Variants in MAP7D1 observed in about 807,000 individuals in gnomAD.
MAP7D1 encodes the protein MAP7 domain containing 1.
MAP7D1 carries 30 observed loss-of-function variants against 97.5 expected under a neutral mutation model. The observed-to-expected ratio is 0.31, with a 90% CI of 0.23 to 0.42. The LOEUF is 0.42. Ranked by LOEUF, MAP7D1 falls within the 10% of genes least tolerant of loss-of-function variation. MAP7D1 has a pLI of 1.00. For synonymous variants in MAP7D1, 536 were observed against 477.1 expected, an observed-to-expected ratio of 1.12 and a Z score of -1.61; for missense variants, 1,184 against 1,179.5, an observed-to-expected ratio of 1.00 and a Z score of -0.06.
At chr1:36,177,187 T>C (rs1377993180) in intron 8 of MAP7D1, among the ~76,000 whole-genome samples, 1 of 152,192 alleles carries the variant, frequency 6.6e-6, no homozygotes, top group Non-Finnish European at 1.5e-5. Context: ...TGAGCTTAGG[T>C]GATCCACCCG....
At chr1:36,170,946 C>G (rs1311461135) in intron 1 of MAP7D1, 25 bp from the exon 2 acceptor site, 1 of 947,414 alleles carries the variant, frequency 1.1e-6, no homozygotes, top group African/African-American at 1.6e-5. Flanking sequence ...TCTGACCTCT[C>G]TCCTCTCTTG....
chr1:36,158,001 C>T (rs1194505711), intron 1 of MAP7D1, among the ~76,000 whole-genome samples: 1 of 152,082 alleles, frequency 6.6e-6, no homozygotes, highest in Non-Finnish European at 1.5e-5. Flanking sequence ...GCCTCTGGCA[C>T]TGGATAGTTG....
rs1198248981 is a variant in MAP7D1, at chr1:36,180,609, A to C, written c.*351A>C. Reference sequence around the variant, plus strand: ...TGAATACTGTAAATAGCTTGTGCTCAGACTCCTCTGCGTGGAGAGGGTGGG... The same window carrying C: ...TGAATACTGTAAATAGCTTGTGCTCCGACTCCTCTGCGTGGAGAGGGTGGG... On this transcript the variant is annotated 3_prime_UTR_variant, in exon 17 of 17. Transcript: ENST00000474796. 2.9e-6 allele frequency: 1 copy of C among 346,770 alleles called. No individual in the cohort carries two copies. Among genetic ancestry groups the C allele is most frequent in the Non-Finnish European group, 5.4e-6 (1 of 183,552 alleles). The allele number at this position is 346,770 out of a possible 1,614,324, so 21.5% of individuals were successfully genotyped here. A position where few individuals can be genotyped will look rare whatever the true frequency, so the allele number is the denominator to read the frequency against.
intron 1 of MAP7D1, among the ~76,000 whole-genome samples, chr1:36,161,087 A>T (rs1644402262): frequency 6.6e-6 from 1 of 152,220 alleles, no homozygotes; most frequent in African/African-American, 2.4e-5. Context: ...GGAGGCTGGG[A>T]ACAATGGCCG....
chr1:36,179,853 CCT>C lies in MAP7D1; in HGVS notation c.2319-20_2319-19del. 3.1e-6 allele frequency: 5 copies of C among 1,603,068 alleles called. No homozygotes were observed. The highest frequency in any genetic ancestry group is 4.3e-6 in the Non-Finnish European group (5 of 1,173,462). On this transcript the variant is annotated intron_variant, in intron 15 of 16. Coordinates refer to ENST00000474796, the MANE Select transcript of MAP7D1 (RefSeq NM_001388490.1). ...CTTTCCTGGGAGGTGAGGTGCTGAG[CCT>C]TGGCCTCTGCATCCACAGTCTCCCA...
At position 36,179,288 on chromosome 1, in the gene MAP7D1, T is replaced by A. The variant is rs199901837; in HGVS notation, c.2157T>A (p.Thr719=). ...GTCTGGAGGAGATCATGAAGAGGAC[T>A]CGGAAGTCAGAAGTTTCTGAAACCA... ...RKRLEEIMKR[T]RKSEVSETKK... is the part of the protein sequence containing the mutation. The change falls in exon 13 of 17, where the codon ACT becomes ACA. Residue 719 remains threonine (T), a synonymous_variant. Transcript: ENST00000474796. The A allele has an allele frequency of 6.2e-7, 1 of 1,613,844 alleles. No individual in the cohort carries two copies. The highest frequency in any genetic ancestry group is 8.5e-7 in the Non-Finnish European group (1 of 1,179,932).
At chr1:36,163,243 C>T (rs963054398) in intron 1 of MAP7D1, among the ~76,000 whole-genome samples, 4 of 152,162 alleles carry the variant, frequency 2.6e-5, no homozygotes, top group African/African-American at 7.2e-5. Context: ...TGCAACCCAC[C>T]ACTGCACTTT....
Position 36,176,730 on chromosome 1 carries a change from GA to G in MAP7D1, c.1271del (p.Asn424ThrfsTer8). ...QKKEKKDKER[E>X]NEKEKSALAR... ...AAAGGAGAAGAAGGACAAGGAGCGGGAAAACGAGAAGGAGAAGAGTGCCCTA... is the reference window on the plus strand; with the variant it reads ...AAAGGAGAAGAAGGACAAGGAGCGGGAAACGAGAAGGAGAAGAGTGCCCTA... On this transcript the variant is annotated frameshift_variant, in exon 8 of 17. Coordinates refer to ENST00000474796, the MANE Select transcript of MAP7D1 (RefSeq NM_001388490.1). LOFTEE classifies it high-confidence loss of function. This position sits in a 1 kb window ranked among gnomAD's most constrained non-coding sequence, Gnocchi z 6.1. 1 of 1,603,938 alleles carries G rather than the reference GA, an allele frequency of 6.2e-7. No homozygotes were observed. Among genetic ancestry groups the G allele is most frequent in the Admixed American group, 1.7e-5 (1 of 58,108 alleles).
In MAP7D1 at chr1:36,176,086, C is replaced by A. The variant is rs1644614721; in HGVS notation, c.851-113C>A. ...GGTGTGATTGTGGGGAGAGGACTCC[C>A]GGGTGAGAAGCCTTGGCCTTGGCAT... On this transcript the variant is annotated intron_variant, in intron 6 of 16. Coordinates refer to ENST00000474796, the MANE Select transcript of MAP7D1 (RefSeq NM_001388490.1). This position sits in a 1 kb window ranked among gnomAD's most constrained non-coding sequence, Gnocchi z 6.1. The A allele has an allele frequency of 8.2e-6, 10 of 1,213,414 alleles. No individual in the cohort carries two copies. Among genetic ancestry groups the A allele is most frequent in the Non-Finnish European group, 5.7e-6 (5 of 884,342 alleles). 75.2% of individuals were successfully genotyped at this position (1,213,414 alleles called of 1,614,324 possible).
At position 36,174,888 on chromosome 1, in the gene MAP7D1, C is replaced by T. The variant is rs201402120; in HGVS notation, c.740-10C>T. On this transcript the variant is annotated splice_polypyrimidine_tract_variant and intron_variant, in intron 5 of 16. Coordinates refer to ENST00000474796, the MANE Select transcript of MAP7D1 (RefSeq NM_001388490.1). Reference sequence around the variant, plus strand: ...GCCCGGCCCTAATGCCGTGTCTTTTCCCCCTCCAGGTGGGAGCAGGTGCTC... The same window carrying T: ...GCCCGGCCCTAATGCCGTGTCTTTTTCCCCTCCAGGTGGGAGCAGGTGCTC... The T allele has an allele frequency of 6.3e-7, 1 of 1,577,436 alleles. No individual in the cohort carries two copies. Among genetic ancestry groups the T allele is most frequent in the Admixed American group, 1.7e-5 (1 of 59,944 alleles).
intron 1 of MAP7D1, 60 bp downstream of exon 1, chr1:36,156,523 G>T (rs941630450): frequency 1.1e-5 from 14 of 1,317,700 alleles, no homozygotes; most frequent in Non-Finnish European, 1.3e-5. Context: ...CAGGGCGGCC[G>T]AGGATGAGGC....
intron 1 of MAP7D1, among the ~76,000 whole-genome samples, chr1:36,170,727 C>A (rs768475818): frequency 1.1e-4 from 17 of 152,182 alleles, no homozygotes; most frequent in Non-Finnish European, 2.5e-4. Context: ...AGTATTTATT[C>A]TCTACTGTAG....
rs977447652 is a variant in MAP7D1, at chr1:36,173,986, C to T, written c.739+508C>T. ...TCTTCTGTTTATGTGCTCCTGGACC[C>T]GTGCATTGTGTGTCTTAATATGTGT... On this transcript the variant is annotated intron_variant, in intron 5 of 16. Transcript: ENST00000474796. Among the ~76,000 whole-genome samples the T allele has an allele frequency of 9.9e-5, 15 of 152,104 alleles. No homozygotes were observed. The East Asian group carries it at 1.2e-3, about 12-fold the overall frequency.
Position 36,171,253 on chromosome 1 carries a change from G to A in MAP7D1, c.329G>A (p.Arg110Gln), listed in dbSNP as rs112601844. The part of the protein sequence containing the change: ...AMGPRDARPP[R>Q]RSSQPSPTAV... ...GGCCCACGGGATGCCAGACCTCCTC[G>A]AAGGAGCAGCCAGCCATCTCCAACA... The change falls in exon 2 of 17, where the codon CGA becomes CAA. Residue 110 changes from arginine (R) to glutamine (Q), a missense_variant. Physicochemically the swap from Arg to Gln is conservative, Grantham distance 43 (BLOSUM62 1). Transcript: ENST00000474796. The A allele has an allele frequency of 0.037, 58,668 of 1,599,848 alleles. 1,258 individuals carry two copies. The highest frequency in any genetic ancestry group is 0.043 in the Non-Finnish European group (50,300 of 1,173,148).
rs1272298835 is a variant in MAP7D1, at chr1:36,165,963, C to T, written c.47-5008C>T. On this transcript the variant is annotated intron_variant, in intron 1 of 16. Transcript: ENST00000474796. ...CAGGCTGGTCTCGAACTCCTGACCT[C>T]AGGTGATCCACCTGCCTTGGCCTCC... Among the ~76,000 whole-genome samples, 56 of 151,984 alleles carry T rather than the reference C, an allele frequency of 3.7e-4. 1 individual carries two copies. Among genetic ancestry groups the T allele is most frequent in the Admixed American group, 3.7e-3 (56 of 15,260 alleles).
intron 1 of MAP7D1, among the ~76,000 whole-genome samples, chr1:36,165,878 A>G (rs1210847005): frequency 6.6e-6 from 1 of 151,902 alleles, no homozygotes; most frequent in Non-Finnish European, 1.5e-5. Context: ...TTACAGGCAC[A>G]TGCTACCACA....
At chr1:36,166,513 C>T (rs1644476623) in intron 1 of MAP7D1, among the ~76,000 whole-genome samples, 1 of 152,018 alleles carries the variant, frequency 6.6e-6, no homozygotes, top group Non-Finnish European at 1.5e-5. Context: ...CCTCAGCCTC[C>T]TGTGTACCTG....
intron 1 of MAP7D1, among the ~76,000 whole-genome samples, chr1:36,168,035 G>A (rs1436612700): frequency 1.3e-5 from 2 of 152,166 alleles, no homozygotes; most frequent in Non-Finnish European, 2.9e-5. Flanking sequence ...GGTGGCTCAC[G>A]CCTGTAATCC....
chr1:36,175,154 G>A (rs1248379326), intron 6 of MAP7D1, 146 bp downstream of exon 6: 6 of 637,784 alleles, frequency 9.4e-6, no homozygotes, highest in Non-Finnish European at 1.4e-5. Flanking sequence ...AGGGCTCTGT[G>A]CCCCTCGGGG....
Sources: gnomAD v4.1 joint callset for allele counts (sites outside exome capture counted in the v4.1 genomes callset) on GRCh38, gnomAD v4.1.1 for gene constraint, Gnocchi (gnomAD v3.1) non-coding constraint, MANE v1.5 for transcripts, NCBI Gene and HGNC (gene_info 2026-07-23, HGNC 2026-07-21) for gene names.